Variants in DOK6 observed in about 807,000 individuals in gnomAD.
The protein encoded by DOK6 is downstream of tyrosine kinase 6.
Under a neutral mutation model 44.0 loss-of-function variants are expected in DOK6, and 22 were observed. The ratio of observed to expected loss-of-function variants is 0.50; its 90% confidence interval spans 0.36 to 0.71. The LOEUF (loss-of-function observed/expected upper bound fraction) is 0.71, where lower values mean the gene tolerates loss of function less well. Among genes scored for constraint, DOK6 ranks in the 30% least tolerant of loss-of-function variants. DOK6 has a pLI of 0.00. For synonymous variants in DOK6, 166 were observed against 145.5 expected, an observed-to-expected ratio of 1.14 and a Z score of -1.01; for missense variants, 340 against 416.4, an observed-to-expected ratio of 0.82 and a Z score of 1.60.
intron 4 of DOK6, among the ~76,000 whole-genome samples, chr18:69,695,640 A>C (rs1288337052): frequency 6.6e-6 from 1 of 152,208 alleles, no homozygotes; most frequent in African/African-American, 2.4e-5. Flanking sequence ...GAATTCGGTT[A>C]AGTATAGTTA....
chr18:69,481,444 A>AT (rs920133376), intron 1 of DOK6, among the ~76,000 whole-genome samples: 1 of 151,988 alleles, frequency 6.6e-6, no homozygotes, highest in Middle Eastern at 3.2e-3. Context: ...TCATTGTTCA[A>AT]TTCCCACCTA....
chr18:69,691,793 A>G (rs1986274140), intron 4 of DOK6, among the ~76,000 whole-genome samples: 1 of 152,156 alleles, frequency 6.6e-6, no homozygotes, highest in Non-Finnish European at 1.5e-5. Context: ...TCCAGCTGAA[A>G]GATGATAAAG....
intron 7 of DOK6, among the ~76,000 whole-genome samples, chr18:69,825,427 C>CTTTTTT (rs34656265): frequency 2.4e-5 from 2 of 82,958 alleles, no homozygotes; most frequent in Non-Finnish European, 4.6e-5. Flanking sequence ...ATCATAACTT[C>CTTTTTT]TTTTTTTTTT....
chr18:69,759,256 ACACT>A, intron 7 of DOK6, among the ~76,000 whole-genome samples: 1 of 152,352 alleles, frequency 6.6e-6, no homozygotes, highest in South Asian at 2.1e-4. Flanking sequence ...CAGCAGCCAC[ACACT>A]CAAATTGCCT....
intron 1 of DOK6, among the ~76,000 whole-genome samples, chr18:69,509,658 A>AAC (rs1957731206): frequency 8.5e-6 from 1 of 118,174 alleles, no homozygotes; most frequent in Non-Finnish European, 2.1e-5. Context: ...AAAAAAAAAA[A>AAC]AAAAACACAC....
At chr18:69,426,787 T>C (rs1159785253) in intron 1 of DOK6, among the ~76,000 whole-genome samples, 1 of 152,230 alleles carries the variant, frequency 6.6e-6, no homozygotes, top group Non-Finnish European at 1.5e-5. Flanking sequence ...ACTAGTCTGA[T>C]GTTACCCTAC....
chr18:69,534,497 AT>A (rs568503817), intron 1 of DOK6, among the ~76,000 whole-genome samples: 2 of 151,864 alleles, frequency 1.3e-5, no homozygotes, highest in East Asian at 1.9e-4. Context: ...TTGCTTCTAA[AT>A]TTTTTTTAAT....
chr18:69,688,854 A>G (rs146151292), intron 4 of DOK6, among the ~76,000 whole-genome samples: 86 of 152,320 alleles, frequency 5.6e-4, no homozygotes, highest in African/African-American at 2.0e-3. Flanking sequence ...TCTGAAAATA[A>G]GTTATTCTAG....
Position 69,509,444 on chromosome 18 carries a change from T to C in DOK6, c.67-55043T>C, listed in dbSNP as rs111604585. Among the ~76,000 whole-genome samples, 1,376 of 152,060 alleles carry C rather than the reference T, an allele frequency of 9.0e-3. 22 individuals carry two copies. The highest frequency in any genetic ancestry group is 0.031 in the African/African-American group (1,300 of 41,488). ...CGAGGTCAGGAGATCGAGACCATCC[T>C]GGCTAACATGGTGAAACCCCGTCTC... On this transcript the variant is annotated intron_variant, in intron 1 of 7. Coordinates refer to ENST00000382713, the MANE Select transcript of DOK6 (RefSeq NM_152721.6).
At chr18:69,421,065 C>T (rs1428410167) in intron 1 of DOK6, among the ~76,000 whole-genome samples, 2 of 152,136 alleles carry the variant, frequency 1.3e-5, no homozygotes, top group Non-Finnish European at 2.9e-5. Context: ...AAGATGCATG[C>T]ATCACTTTAA....
intron 2 of DOK6, among the ~76,000 whole-genome samples, chr18:69,572,609 G>A (rs904453721): frequency 6.6e-6 from 1 of 151,916 alleles, no homozygotes. Flanking sequence ...AGAAAAAGAA[G>A]ATAATTAGCA....
chr18:69,713,285 G>A (rs1986809555), intron 5 of DOK6, among the ~76,000 whole-genome samples: 1 of 152,330 alleles, frequency 6.6e-6, no homozygotes, highest in East Asian at 1.9e-4. Context: ...CTGAATTGGG[G>A]AAGAAAAGAT....
chr18:69,775,969 T>C (rs1980050381), intron 7 of DOK6, among the ~76,000 whole-genome samples: 1 of 151,998 alleles, frequency 6.6e-6, no homozygotes, highest in African/African-American at 2.4e-5. Flanking sequence ...TATTTTAAGT[T>C]TGTACACACA....
chr18:69,813,469 T>C (rs1981303494), intron 7 of DOK6, among the ~76,000 whole-genome samples: 2 of 152,076 alleles, frequency 1.3e-5, no homozygotes, highest in Non-Finnish European at 2.9e-5. Context: ...TCTAGTGAAG[T>C]ATGATTGGGG....
chr18:69,476,808 T>C (rs1199053956), intron 1 of DOK6, among the ~76,000 whole-genome samples: 2 of 152,154 alleles, frequency 1.3e-5, no homozygotes, highest in Non-Finnish European at 2.9e-5. Context: ...GCTGGAACTT[T>C]CCTTTCTCAG....
intron 4 of DOK6, among the ~76,000 whole-genome samples, chr18:69,687,045 A>G (rs1986169196): frequency 6.6e-6 from 1 of 152,218 alleles, no homozygotes; most frequent in South Asian, 2.1e-4. Context: ...AGGAGGAAAT[A>G]TCATTTCACA....
At chr18:69,498,138 G>T (rs970500704) in intron 1 of DOK6, among the ~76,000 whole-genome samples, 2 of 151,996 alleles carry the variant, frequency 1.3e-5, no homozygotes, top group Non-Finnish European at 2.9e-5. Context: ...TATGTGCATA[G>T]GAGATCAGAA....
chr18:69,730,277 C>T (rs929711136), intron 5 of DOK6, among the ~76,000 whole-genome samples: 1 of 152,182 alleles, frequency 6.6e-6, no homozygotes, highest in Non-Finnish European at 1.5e-5. Flanking sequence ...TTTTATTTTC[C>T]TCCCTATCTA....
At chr18:69,673,180 T>C (rs548369997) in intron 3 of DOK6, among the ~76,000 whole-genome samples, 1 of 152,306 alleles carries the variant, frequency 6.6e-6, no homozygotes, top group East Asian at 1.9e-4. Flanking sequence ...GATGCAGTGC[T>C]GTTTTTAATT....
Sources: gnomAD v4.1 joint callset for allele counts (sites outside exome capture counted in the v4.1 genomes callset) on GRCh38, gnomAD v4.1.1 for gene constraint, MANE v1.5 for transcripts, NCBI Gene and HGNC (gene_info 2026-07-23, HGNC 2026-07-21) for gene names.